The following SLC31A1 variants were observed in gnomAD, a reference collection of about 807,000 sequenced individuals.
SLC31A1 encodes the protein solute carrier family 31 member 1, also known as high affinity copper uptake protein 1.
Under a neutral mutation model 17.2 loss-of-function variants are expected in SLC31A1, and 5 were observed. The ratio of observed to expected loss-of-function variants is 0.29; its 90% confidence interval spans 0.15 to 0.61. The LOEUF is 0.61. Among genes scored for constraint, SLC31A1 ranks in the 20% least tolerant of loss-of-function variants. The pLI, the probability that SLC31A1 is intolerant of heterozygous loss-of-function variation, is 0.86. For missense variants in SLC31A1, 161 were observed against 241.4 expected, an observed-to-expected ratio of 0.67 and a Z score of 2.21; for synonymous variants, 76 against 78.8, an observed-to-expected ratio of 0.96 and a Z score of 0.19.
intron 1 of SLC31A1, among the ~76,000 whole-genome samples, chr9:113,235,292 A>G (rs1831444498): frequency 6.6e-6 from 1 of 152,218 alleles, no homozygotes; most frequent in Admixed American, 6.5e-5. Context: ...ACCCACCAGA[A>G]TGGCTAAAAT....
chr9:113,253,956 G>GTGTTTT (rs1279375325), intron 1 of SLC31A1, among the ~76,000 whole-genome samples: 1 of 86,084 alleles, frequency 1.2e-5, no homozygotes, highest in African/African-American at 4.7e-5. Context: ...CCTACCCACA[G>GTGTTTT]TCTTTTTTTT....
intron 1 of SLC31A1, among the ~76,000 whole-genome samples, chr9:113,240,371 A>G (rs1389623242): frequency 6.6e-6 from 1 of 152,180 alleles, no homozygotes; most frequent in Non-Finnish European, 1.5e-5. Flanking sequence ...AATATTTGGT[A>G]AGTATTCTTC....
intron 1 of SLC31A1, among the ~76,000 whole-genome samples, chr9:113,238,955 C>T (rs1221649244): frequency 1.3e-5 from 2 of 152,090 alleles, no homozygotes; most frequent in Non-Finnish European, 2.9e-5. Context: ...CTCCCAGAGG[C>T]TAGTTCACCT....
chr9:113,240,674 T>C (rs1463089363), intron 1 of SLC31A1, among the ~76,000 whole-genome samples: 2 of 152,046 alleles, frequency 1.3e-5, no homozygotes, highest in African/African-American at 2.4e-5. Context: ...TTTGTACATA[T>C]ATAGAAAATG....
intron 1 of SLC31A1, among the ~76,000 whole-genome samples, chr9:113,232,246 G>C (rs1175673762): frequency 6.6e-6 from 1 of 152,152 alleles, no homozygotes; most frequent in Non-Finnish European, 1.5e-5. Context: ...CAAAAACCTA[G>C]TATAATGTAT....
intron 1 of SLC31A1, among the ~76,000 whole-genome samples, chr9:113,226,415 C>G (rs994726613): frequency 2.0e-5 from 3 of 152,138 alleles, no homozygotes; most frequent in African/African-American, 7.2e-5. Context: ...ATACTTAATA[C>G]ATTACAATGA....
chr9:113,263,581 A>T lies in SLC31A1; in HGVS notation c.*3108A>T, dbSNP rs1391068852. ...GTTTTTTTAATCGCATGTCTAGTAT[A>T]TTAAGTCTCCATAGCCCTCCTGATG... On this transcript the variant is annotated 3_prime_UTR_variant, in exon 5 of 5. Coordinates refer to ENST00000374212, the MANE Select transcript of SLC31A1 (RefSeq NM_001859.4). The T allele has an allele frequency of 1.3e-5, 2 of 152,528 alleles. No homozygotes were observed. Among genetic ancestry groups the T allele is most frequent in the Non-Finnish European group, 2.9e-5 (2 of 68,048 alleles). The allele number at this position is 152,528 out of a possible 1,614,324, so 9.4% of individuals were successfully genotyped here. A position where few individuals can be genotyped will look rare whatever the true frequency, so the allele number is the denominator to read the frequency against.
chr9:113,230,541 G>A (rs1831391117), intron 1 of SLC31A1, among the ~76,000 whole-genome samples: 2 of 152,196 alleles, frequency 1.3e-5, no homozygotes, highest in Admixed American at 1.3e-4. Context: ...TTATAGGCAT[G>A]AGCCACTGTA....
intron 1 of SLC31A1, among the ~76,000 whole-genome samples, chr9:113,236,394 C>T (rs1831459697): frequency 6.6e-6 from 1 of 151,358 alleles, no homozygotes; most frequent in Non-Finnish European, 1.5e-5. Context: ...GATGGAGTCT[C>T]ACTCTGTCGC....
chr9:113,248,796 G>T (rs564103832), intron 1 of SLC31A1, among the ~76,000 whole-genome samples: 1 of 152,020 alleles, frequency 6.6e-6, no homozygotes, highest in African/African-American at 2.4e-5. Flanking sequence ...TAGTCTTGAC[G>T]CAAATACTTT....
At chr9:113,223,137 T>C (rs10981693) in intron 1 of SLC31A1, 104,812 of 337,720 alleles carry the variant, frequency 0.31, 17,175 homozygotes, top group African/African-American at 0.39. Flanking sequence ...TTATCCTGGA[T>C]GTTTAAGTAG....
chr9:113,232,534 C>A (rs1002018060), intron 1 of SLC31A1, among the ~76,000 whole-genome samples: 1 of 151,930 alleles, frequency 6.6e-6, no homozygotes, highest in Admixed American at 6.6e-5. Context: ...GCTCCCAAAT[C>A]AAGAACAGCA....
chr9:113,230,205 A>G (rs1310218904), intron 1 of SLC31A1, among the ~76,000 whole-genome samples: 2 of 152,178 alleles, frequency 1.3e-5, no homozygotes, highest in African/African-American at 4.8e-5. Flanking sequence ...ACAATTACTA[A>G]TCTTTTGGGG....
Position 113,238,002 on chromosome 9 carries a change from A to G in SLC31A1, c.-36+16324A>G, listed in dbSNP as rs1341686989. 3.3e-5 allele frequency among the ~76,000 whole-genome samples: 5 copies of G among 152,312 alleles called. No individual in the cohort carries two copies. The East Asian group carries it at 9.6e-4, about 29-fold the overall frequency. On this transcript the variant is annotated intron_variant, in intron 1 of 4. Coordinates refer to ENST00000374212, the MANE Select transcript of SLC31A1 (RefSeq NM_001859.4). ...CACAGAGCATAATGATAATATTACC[A>G]CAGAGTAATAATAAGGCTTTTACAT... is the stretch of plus-strand genomic sequence containing the variant.
chr9:113,253,055 G>A (rs368116705), intron 1 of SLC31A1, among the ~76,000 whole-genome samples: 2 of 146,890 alleles, frequency 1.4e-5, no homozygotes, highest in African/African-American at 2.5e-5. Context: ...CCGGGTTCAC[G>A]CCATTCTCCT....
At chr9:113,236,683 T>C (rs1376593132) in intron 1 of SLC31A1, among the ~76,000 whole-genome samples, 1 of 152,198 alleles carries the variant, frequency 6.6e-6, no homozygotes, top group Non-Finnish European at 1.5e-5. Flanking sequence ...TATTCTTATA[T>C]GTACCTAAAC....
intron 1 of SLC31A1, among the ~76,000 whole-genome samples, chr9:113,228,607 T>G (rs544637245): frequency 2.0e-5 from 3 of 152,306 alleles, no homozygotes; most frequent in African/African-American, 7.2e-5. Context: ...AATAGGAGCT[T>G]CTATGTTATT....
intron 1 of SLC31A1, among the ~76,000 whole-genome samples, chr9:113,239,487 AAAG>A (rs915157229): frequency 2.0e-5 from 3 of 152,230 alleles, no homozygotes; most frequent in Non-Finnish European, 4.4e-5. Flanking sequence ...AATCTGCCTC[AAAG>A]AAGAACTTAA....
chr9:113,257,045 T>G (rs1831736614), intron 2 of SLC31A1, 68 bp from the exon 3 acceptor site: 4 of 1,251,136 alleles, frequency 3.2e-6, no homozygotes, highest in Non-Finnish European at 4.7e-6. Context: ...GTTCTAAGCT[T>G]CTTTGCCCCA....
Sources: gnomAD v4.1 joint callset for allele counts (sites outside exome capture counted in the v4.1 genomes callset) on GRCh38, gnomAD v4.1.1 for gene constraint, MANE v1.5 for transcripts, NCBI Gene and HGNC (gene_info 2026-07-23, HGNC 2026-07-21) for gene names.